LIMS2: variants seen among roughly 807,000 people sequenced by gnomAD.
LIMS2 encodes LIM zinc finger domain containing 2, also known as LIM and senescent cell antigen-like-containing domain protein 2.
In LIMS2, 30 loss-of-function variants were observed where a neutral mutation model predicts 45.3. That is an observed-to-expected ratio of 0.66 (90% CI 0.50 to 0.90). The LOEUF is 0.90. Ranked by LOEUF, LIMS2 falls within the 40% of genes least tolerant of loss-of-function variation. The pLI is 0.00. For synonymous variants in LIMS2, 173 were observed against 188.0 expected, an observed-to-expected ratio of 0.92 and a Z score of 0.65; for missense variants, 485 against 468.7, an observed-to-expected ratio of 1.03 and a Z score of -0.32.
chr2:127,660,931 G>GGGGGGC (rs1375709197), intron 1 of LIMS2, among the ~76,000 whole-genome samples: 1 of 151,794 alleles, frequency 6.6e-6, no homozygotes, highest in Non-Finnish European at 1.5e-5. Flanking sequence ...GTGGGGGTGG[G>GGGGGGC]GGGGGCGGAT....
chr2:127,641,610 A>G (rs1470855601), intron 6 of LIMS2: 4 of 160,414 alleles, frequency 2.5e-5, no homozygotes, highest in Non-Finnish European at 5.5e-5. Flanking sequence ...CAGTGTACCC[A>G]TGAGAACATG....
chr2:127,644,506 A>G (rs911184782), intron 4 of LIMS2, among the ~76,000 whole-genome samples: 11 of 151,950 alleles, frequency 7.2e-5, no homozygotes, highest in African/African-American at 2.7e-4. Flanking sequence ...GAGCTGCCCC[A>G]CCTGGCGCCT....
In LIMS2 at chr2:127,660,351, C is replaced by T. The variant is rs992971918; in HGVS notation, c.12-2789G>A. Among the ~76,000 whole-genome samples, 9 of 152,314 alleles carry T rather than the reference C, an allele frequency of 5.9e-5. 1 individual carries two copies. Among genetic ancestry groups the T allele is most frequent in the South Asian group, 4.1e-4 (2 of 4,824 alleles). ...CTTTGCTTGGTGTGGAAAGTTTGTT[C>T]TTTTGCTCTTTGTAGTAGCTTTTGC... On this transcript the variant is annotated intron_variant, in intron 1 of 9. Coordinates refer to ENST00000355119, the MANE Select transcript of LIMS2 (RefSeq NM_001161403.3).
rs766780555 is a variant in LIMS2, at chr2:127,649,993, G to A, written c.359+4431C>T. 1.0e-5 allele frequency: 16 copies of A among 1,602,006 alleles called. No individual in the cohort carries two copies. The East Asian group carries it at 2.7e-4, about 27-fold the overall frequency. ...CAGGCACAGGCTTCTCCTAAACACAGGTCTCCCCACCTGTCAGGATGTCCA... is the reference window on the plus strand; with the variant it reads ...CAGGCACAGGCTTCTCCTAAACACAAGTCTCCCCACCTGTCAGGATGTCCA... On this transcript the variant is annotated intron_variant, in intron 4 of 9. Transcript: ENST00000355119.
chr2:127,647,903 CCCCTGCCTCACAGG>C lies in LIMS2; in HGVS notation c.360-4845_360-4832del. On this transcript the variant is annotated intron_variant, in intron 4 of 9. Coordinates refer to ENST00000355119, the MANE Select transcript of LIMS2 (RefSeq NM_001161403.3). This position sits in a 1 kb window ranked among gnomAD's most constrained non-coding sequence, Gnocchi z 4.3. The stretch of plus-strand genomic sequence containing the variant: ...CCCACCGGTACCTGCTCCCTGTTCT[CCCCTGCCTCACAGG>C]CCCTGTCAAGGGCTGTGTTCCTCCC... The C allele has an allele frequency of 1.8e-6, 1 of 542,838 alleles. No homozygotes were observed. Among genetic ancestry groups the C allele is most frequent in the Non-Finnish European group, 2.4e-6 (1 of 425,024 alleles). The allele number at this position is 542,838 out of a possible 1,614,324, so 33.6% of individuals were successfully genotyped here.
intron 1 of LIMS2, chr2:127,673,629 G>C: frequency 6.5e-7 from 1 of 1,534,730 alleles, no homozygotes; most frequent in East Asian, 2.4e-5. Context: ...TCACGGCTCT[G>C]TTCTCCTCGA....
At chr2:127,669,702 A>C (rs1685192491) in intron 1 of LIMS2, among the ~76,000 whole-genome samples, 1 of 151,106 alleles carries the variant, frequency 6.6e-6, no homozygotes, top group South Asian at 2.1e-4. Flanking sequence ...TGGGCGACAC[A>C]GTGAGACTCC....
intron 1 of LIMS2, among the ~76,000 whole-genome samples, chr2:127,673,465 C>T (rs1051559480): frequency 6.6e-6 from 1 of 152,196 alleles, no homozygotes; most frequent in Non-Finnish European, 1.5e-5. Flanking sequence ...GGAAGGCTGA[C>T]CCCTGCTCGC....
At position 127,654,887 on chromosome 2, in the gene LIMS2, G is replaced by A. The variant is rs975509585; in HGVS notation, c.181C>T (p.Arg61Trp). Residue 61 changes from arginine to tryptophan, a missense_variant, in exon 3 of 10, where the codon CGG becomes TGG. Physicochemically the swap from Arg to Trp is moderately radical, Grantham distance 101. Coordinates refer to ENST00000355119, the MANE Select transcript of LIMS2 (RefSeq NM_001161403.3). ...PEGLFYEFEG[R>W]KYCEHDFQML... The stretch of plus-strand genomic sequence containing the variant: ...TGGAAGTCGTGTTCGCAGTACTTCC[G>A]GCCTTCAAACTGCAAAGGGGTCGCA... 1.7e-5 allele frequency: 28 copies of A among 1,613,900 alleles called. No individual in the cohort carries two copies. The highest frequency in any genetic ancestry group is 1.2e-4 in the African/African-American group (9 of 74,918).
chr2:127,678,662 G>A (rs914555267), upstream of LIMS2, among the ~76,000 whole-genome samples: 2 of 152,192 alleles, frequency 1.3e-5, no homozygotes, highest in African/African-American at 2.4e-5. The surrounding 1 kb of genome is among the most constrained non-coding windows in gnomAD (Gnocchi z 5.3). Flanking sequence ...GTCAGCACAG[G>A]TGTGGTGGTT....
At chr2:127,646,320 C>A (rs1682974193) in intron 4 of LIMS2, 1 of 152,282 alleles carries the variant, frequency 6.6e-6, no homozygotes, top group Admixed American at 6.5e-5. Context: ...GAGCCCTGCC[C>A]AGGGAGACAG....
intron 7 of LIMS2, chr2:127,640,655 C>T: frequency 1.7e-6 from 1 of 597,888 alleles, no homozygotes; most frequent in Non-Finnish European, 3.0e-6. Flanking sequence ...CTGGCACTGT[C>T]AGCCCCATGT....
chr2:127,646,896 T>C (rs1323273779), intron 4 of LIMS2, among the ~76,000 whole-genome samples: 1 of 150,298 alleles, frequency 6.7e-6, no homozygotes, highest in African/African-American at 2.5e-5. Context: ...ACAATCAGTA[T>C]CAGAACTCCT....
In LIMS2 at chr2:127,647,788, G is replaced by A. The variant is rs1013609755; in HGVS notation, c.360-4716C>T. On this transcript the variant is annotated intron_variant, in intron 4 of 9. Coordinates refer to ENST00000355119, the MANE Select transcript of LIMS2 (RefSeq NM_001161403.3). The surrounding 1 kb of genome is among the most constrained non-coding windows in gnomAD (Gnocchi z 4.3). ...TCTGCTTGCCCATGCGTCTGCCCTG[G>A]AGCCCTGTTCCTCCAGTCTCCGGGT... 1.3e-5 allele frequency among the ~76,000 whole-genome samples: 2 copies of A among 151,854 alleles called. No homozygotes were observed. Among genetic ancestry groups the A allele is most frequent in the Non-Finnish European group, 2.9e-5 (2 of 67,934 alleles).
rs1283069918 is a variant in LIMS2, at chr2:127,638,845, T to C, written c.*436A>G. On this transcript the variant is annotated 3_prime_UTR_variant, in exon 10 of 10. Transcript: ENST00000355119. The stretch of plus-strand genomic sequence containing the variant: ...CCCTGGCCCTGTGGCTCCAGCAGGC[T>C]GCCCTGGCTGTGGGTAGCCCAGGAG... 1 of 170,010 alleles carries C rather than the reference T, an allele frequency of 5.9e-6. No individual in the cohort carries two copies. Among genetic ancestry groups the C allele is most frequent in the Non-Finnish European group, 1.3e-5 (1 of 79,056 alleles). The allele number at this position is 170,010 out of a possible 1,614,324, so 10.5% of individuals were successfully genotyped here. A position where few individuals can be genotyped will look rare whatever the true frequency, so the allele number is the denominator to read the frequency against.
At chr2:127,650,369 C>T in intron 4 of LIMS2, 1 of 534,282 alleles carries the variant, frequency 1.9e-6, no homozygotes, top group South Asian at 2.4e-5. Context: ...GAACAGAAAA[C>T]CCAGAGCCTC....
In LIMS2 at chr2:127,650,511, G is replaced by A. The variant is rs553238208; in HGVS notation, c.359+3913C>T. The A allele has an allele frequency of 1.2e-4, 72 of 578,028 alleles. No individual in the cohort carries two copies. In the Admixed American group the frequency reaches 1.4e-3, roughly 11 times the overall value. The allele number at this position is 578,028 out of a possible 1,614,324, so 35.8% of individuals were successfully genotyped here. A position where few individuals can be genotyped will look rare whatever the true frequency, so the allele number is the denominator to read the frequency against. On this transcript the variant is annotated intron_variant, in intron 4 of 9. Coordinates refer to ENST00000355119, the MANE Select transcript of LIMS2 (RefSeq NM_001161403.3). Reference sequence around the variant, plus strand: ...GCGAAATTCCAAGCCCTGGTTCTGCGTTTGCCTTGTGCTGAAGTTCAGAAT... The same window carrying A: ...GCGAAATTCCAAGCCCTGGTTCTGCATTTGCCTTGTGCTGAAGTTCAGAAT...
intron 1 of LIMS2, among the ~76,000 whole-genome samples, chr2:127,659,317 C>G (rs1684465506): frequency 6.6e-6 from 1 of 152,176 alleles, no homozygotes; most frequent in Admixed American, 6.5e-5. Flanking sequence ...CACATTTAGG[C>G]CAGAGGGGCA....
At chr2:127,651,398 G>T (rs1683768855) in intron 4 of LIMS2, 1 of 1,612,706 alleles carries the variant, frequency 6.2e-7, no homozygotes, top group Non-Finnish European at 8.5e-7. Context: ...GCCTGCGGCA[G>T]GGCCTGCGTG....
Sources: allele counts gnomAD v4.1 joint callset (sites outside exome capture counted in the v4.1 genomes callset), GRCh38; gene constraint gnomAD v4.1.1; non-coding constraint Gnocchi (gnomAD v3.1); transcripts MANE v1.5; gene names NCBI Gene and HGNC (gene_info 2026-07-23, HGNC 2026-07-21).